SNTG1: variants seen among roughly 807,000 people sequenced by gnomAD.
The protein encoded by SNTG1 is gamma-1-syntrophin.
SNTG1 carries 39 observed loss-of-function variants against 74.7 expected under a neutral mutation model. That is an observed-to-expected ratio of 0.52 (90% CI 0.40 to 0.68). SNTG1 has a LOEUF of 0.68. Ranked by LOEUF, SNTG1 falls within the 30% of genes least tolerant of loss-of-function variation. The pLI, the probability that SNTG1 is intolerant of heterozygous loss-of-function variation, is 0.00. For synonymous variants in SNTG1, 254 were observed against 217.1 expected (o/e 1.17, Z -1.49); for missense variants, 685 against 609.5 (o/e 1.12, Z -1.30).
At chr8:50,756,966 G>T (rs1490610946) in intron 18 of SNTG1, among the ~76,000 whole-genome samples, 2 of 151,526 alleles carry the variant, frequency 1.3e-5, no homozygotes, top group Non-Finnish European at 3.0e-5. Flanking sequence ...TCCTCTTATA[G>T]AATTTTTATG....
chr8:50,710,485 CAA>C (rs1366468882), intron 17 of SNTG1, among the ~76,000 whole-genome samples: 1 of 151,960 alleles, frequency 6.6e-6, no homozygotes, highest in Non-Finnish European at 1.5e-5. Context: ...CTAGAAAAGT[CAA>C]AGTCTGATTT....
chr8:50,736,161 A>G (rs1476545256), intron 17 of SNTG1, among the ~76,000 whole-genome samples: 1 of 152,092 alleles, frequency 6.6e-6, no homozygotes, highest in African/African-American at 2.4e-5. Context: ...CAGCCACTGC[A>G]AGAACATACC....
intron 2 of SNTG1, among the ~76,000 whole-genome samples, chr8:50,304,416 A>T (rs2089787565): frequency 6.6e-6 from 1 of 152,182 alleles, no homozygotes; most frequent in African/African-American, 2.4e-5. Flanking sequence ...CCACCATGAC[A>T]TTACAGCTTC....
At chr8:50,754,387 C>T (rs1320788393) in intron 18 of SNTG1, among the ~76,000 whole-genome samples, 2 of 151,900 alleles carry the variant, frequency 1.3e-5, no homozygotes, top group African/African-American at 4.8e-5. Context: ...AATTTTGGTT[C>T]TGCTCATCAT....
At chr8:50,345,528 C>G (rs2091445849) in intron 2 of SNTG1, among the ~76,000 whole-genome samples, 1 of 152,116 alleles carries the variant, frequency 6.6e-6, no homozygotes, top group Non-Finnish European at 1.5e-5. Context: ...TGTGCCTTAC[C>G]TGGGAAGATA....
At chr8:50,693,747 A>G (rs1203337951) in intron 15 of SNTG1, among the ~76,000 whole-genome samples, 1 of 152,218 alleles carries the variant, frequency 6.6e-6, no homozygotes, top group Non-Finnish European at 1.5e-5. Flanking sequence ...GAAGATTAAA[A>G]TCACATCAAG....
chr8:50,718,752 T>C (rs986621825), intron 17 of SNTG1, among the ~76,000 whole-genome samples: 4 of 152,202 alleles, frequency 2.6e-5, no homozygotes, highest in African/African-American at 9.6e-5. Flanking sequence ...ATCAATAAAG[T>C]TCATAATTAA....
rs1345586616 is a variant in SNTG1 at position 49,911,650 on chromosome 8, G to C, written c.-684G>C. 2 of 152,174 alleles carry C rather than the reference G, an allele frequency of 1.3e-5. No homozygotes were observed. Among genetic ancestry groups the C allele is most frequent in the East Asian group, 3.9e-4 (2 of 5,178 alleles). 9.4% of individuals were successfully genotyped at this position (152,174 alleles called of 1,614,324 possible). A position where few individuals can be genotyped will look rare whatever the true frequency, so the allele number is the denominator to read the frequency against. ...CTGCTGCTTGGATTCGCTGGTGGAG[G>C]AAAGTGCGACCTGGACCTGCGCTTA... On this transcript the variant is annotated 5_prime_UTR_variant, in exon 1 of 19. Transcript: ENST00000642720.
At position 50,740,237 on chromosome 8, in the gene SNTG1, A is replaced by C. The variant is rs1260936970; in HGVS notation, c.1285-11764A>C. Among the ~76,000 whole-genome samples the C allele has an allele frequency of 2.0e-5, 3 of 152,182 alleles. No individual in the cohort carries two copies. The East Asian group carries it at 5.8e-4, about 29-fold the overall frequency. On this transcript the variant is annotated intron_variant, in intron 17 of 18. Transcript: ENST00000642720. ...AAACTGTGCATCTGACAAAGGTCTA[A>C]TATCCAGCATCTACAAGGAACTTAA...
chr8:50,303,510 G>A (rs2089742965), intron 2 of SNTG1, among the ~76,000 whole-genome samples: 1 of 151,472 alleles, frequency 6.6e-6, no homozygotes, highest in African/African-American at 2.4e-5. Context: ...ATTTTGCATT[G>A]GAATACATAA....
intron 1 of SNTG1, among the ~76,000 whole-genome samples, chr8:50,004,794 C>G (rs1004353449): frequency 2.6e-5 from 4 of 152,164 alleles, no homozygotes; most frequent in African/African-American, 9.7e-5. Flanking sequence ...AGAAGAAGCA[C>G]CAGGTAGCCC....
chr8:50,146,170 T>C (rs2081857019), intron 1 of SNTG1, among the ~76,000 whole-genome samples: 1 of 152,064 alleles, frequency 6.6e-6, no homozygotes, highest in African/African-American at 2.4e-5. Context: ...GTGTTTTGTG[T>C]GTGTTTGTAT....
chr8:50,724,538 C>T lies in SNTG1; in HGVS notation c.1284+15560C>T, dbSNP rs1212316048. Among the ~76,000 whole-genome samples, 3 of 152,164 alleles carry T rather than the reference C, an allele frequency of 2.0e-5. No individual in the cohort carries two copies. The East Asian group carries it at 5.8e-4, about 29-fold the overall frequency. On this transcript the variant is annotated intron_variant, in intron 17 of 18. Transcript: ENST00000642720. Reference sequence around the variant, plus strand: ...AAGACTGTTATCTCTAAAATATAAACATATACTAGGCACACTAAAGAGAAA... The same window carrying T: ...AAGACTGTTATCTCTAAAATATAAATATATACTAGGCACACTAAAGAGAAA...
chr8:49,957,383 A>C (rs1363430499), intron 1 of SNTG1, among the ~76,000 whole-genome samples: 1 of 152,222 alleles, frequency 6.6e-6, no homozygotes, highest in African/African-American at 2.4e-5. Context: ...TAAATGTATT[A>C]TTAACTACAG....
chr8:50,750,759 C>T (rs1477923113), intron 17 of SNTG1, among the ~76,000 whole-genome samples: 1 of 151,900 alleles, frequency 6.6e-6, no homozygotes, highest in Non-Finnish European at 1.5e-5. Context: ...TGTCATTGTA[C>T]ACTTAATAGA....
chr8:50,363,919 AG>A (rs1247527398), intron 2 of SNTG1, among the ~76,000 whole-genome samples: 3 of 152,162 alleles, frequency 2.0e-5, no homozygotes, highest in African/African-American at 7.2e-5. Context: ...TTAACATAAA[AG>A]GGTGCAACTC....
chr8:50,575,387 G>T (rs985080108), intron 12 of SNTG1, among the ~76,000 whole-genome samples: 1 of 152,142 alleles, frequency 6.6e-6, no homozygotes. Flanking sequence ...CCTGATGAAG[G>T]TAATAACAGT....
intron 2 of SNTG1, among the ~76,000 whole-genome samples, chr8:50,241,217 G>A (rs767110400): frequency 2.0e-5 from 3 of 152,108 alleles, no homozygotes; most frequent in Admixed American, 6.5e-5. Flanking sequence ...AAATATTGTG[G>A]TTCTTTAAAA....
At chr8:50,325,511 C>A (rs991041291) in intron 2 of SNTG1, among the ~76,000 whole-genome samples, 1 of 151,916 alleles carries the variant, frequency 6.6e-6, no homozygotes, top group Non-Finnish European at 1.5e-5. Flanking sequence ...TTTCAAACTG[C>A]ACTAGGTCAT....
Sources: gnomAD v4.1 joint callset for allele counts (sites outside exome capture counted in the v4.1 genomes callset) on GRCh38, gnomAD v4.1.1 for gene constraint, MANE v1.5 for transcripts, NCBI Gene and HGNC (gene_info 2026-07-23, HGNC 2026-07-21) for gene names.